Variants in GPC6 observed in about 807,000 individuals in gnomAD.
The protein encoded by GPC6 is glypican-6.
A neutral mutation model predicts 55.2 loss-of-function variants in GPC6; 14 were observed. That is an observed-to-expected ratio of 0.25 (90% CI 0.17 to 0.40). The LOEUF is 0.40. Among genes scored for constraint, GPC6 ranks in the 10% least tolerant of loss-of-function variants. The probability of loss-of-function intolerance (pLI) is 1.00; values close to 1 mark genes in which losing one functional copy is unlikely to be tolerated. For synonymous variants in GPC6, 278 were observed against 259.6 expected, an observed-to-expected ratio of 1.07 and a Z score of -0.68; for missense variants, 641 against 708.5, an observed-to-expected ratio of 0.90 and a Z score of 1.08.
At chr13:93,605,763 A>G (rs1407172194) in intron 2 of GPC6, among the ~76,000 whole-genome samples, 2 of 150,666 alleles carry the variant, frequency 1.3e-5, no homozygotes, top group Admixed American at 1.3e-4. Context: ...AATCACTTGA[A>G]CCCAGGAGGT....
At chr13:94,354,006 G>T (rs1878674095) in intron 6 of GPC6, among the ~76,000 whole-genome samples, 1 of 151,606 alleles carries the variant, frequency 6.6e-6, no homozygotes, top group African/African-American at 2.4e-5. Context: ...AAACACTGTG[G>T]TCATATAATA....
chr13:93,328,953 C>T (rs1879748960), intron 1 of GPC6, among the ~76,000 whole-genome samples: 1 of 152,102 alleles, frequency 6.6e-6, no homozygotes, highest in Non-Finnish European at 1.5e-5. Context: ...CAGTTTAGAA[C>T]TCAGGGCTGC....
chr13:93,261,587 A>G (rs1877150632), intron 1 of GPC6, among the ~76,000 whole-genome samples: 1 of 152,358 alleles, frequency 6.6e-6, no homozygotes, highest in South Asian at 2.1e-4. Context: ...TGCATGGAAT[A>G]AAAGAGAAAA....
At chr13:94,262,099 T>G (rs1891673392) in intron 4 of GPC6, among the ~76,000 whole-genome samples, 1 of 152,168 alleles carries the variant, frequency 6.6e-6, no homozygotes, top group South Asian at 2.1e-4. Flanking sequence ...TGGCCCCTAT[T>G]TTTTCTGTGA....
intron 2 of GPC6, among the ~76,000 whole-genome samples, chr13:93,601,765 T>C (rs1287161340): frequency 6.6e-6 from 1 of 152,244 alleles, no homozygotes; most frequent in Non-Finnish European, 1.5e-5. Context: ...TACACATATG[T>C]ATCTGGCTTC....
intron 1 of GPC6, among the ~76,000 whole-genome samples, chr13:93,357,263 T>G (rs1486509886): frequency 1.3e-5 from 2 of 152,218 alleles, no homozygotes; most frequent in Non-Finnish European, 2.9e-5. Flanking sequence ...TTTTAAAAGG[T>G]ATCTAAAATG....
At chr13:93,972,262 G>A (rs897201557) in intron 3 of GPC6, among the ~76,000 whole-genome samples, 5 of 152,130 alleles carry the variant, frequency 3.3e-5, no homozygotes, top group Non-Finnish European at 7.3e-5. Context: ...ATTGGCTCAG[G>A]GTAAAGCCTG....
At chr13:93,882,736 G>A (rs1277597885) in intron 3 of GPC6, among the ~76,000 whole-genome samples, 1 of 152,048 alleles carries the variant, frequency 6.6e-6, no homozygotes, top group Admixed American at 6.6e-5. Flanking sequence ...TAAAAAATAT[G>A]AAATAGAAAT....
chr13:93,985,231 G>A (rs1275918389), intron 3 of GPC6, among the ~76,000 whole-genome samples: 5 of 152,200 alleles, frequency 3.3e-5, no homozygotes, highest in South Asian at 4.1e-4. Context: ...TCAAGAGATC[G>A]AGACCATCCT....
At chr13:93,274,335 G>A (rs930459514) in intron 1 of GPC6, among the ~76,000 whole-genome samples, 2 of 152,106 alleles carry the variant, frequency 1.3e-5, no homozygotes, top group Non-Finnish European at 2.9e-5. Context: ...GAATGTGGTA[G>A]GTTCATTCGG....
intron 4 of GPC6, among the ~76,000 whole-genome samples, chr13:94,224,680 G>T (rs910008721): frequency 2.6e-5 from 4 of 151,998 alleles, no homozygotes; most frequent in Admixed American, 6.6e-5. Context: ...CTCTGTTGAA[G>T]GTTTTTGGAG....
At chr13:93,439,958 G>C (rs1191094665) in intron 1 of GPC6, among the ~76,000 whole-genome samples, 1 of 152,142 alleles carries the variant, frequency 6.6e-6, no homozygotes, top group African/African-American at 2.4e-5. Flanking sequence ...TATTGTAAAT[G>C]TTTAATAACT....
chr13:93,531,203 G>T (rs1418058096), intron 1 of GPC6, among the ~76,000 whole-genome samples: 1 of 151,542 alleles, frequency 6.6e-6, no homozygotes, highest in African/African-American at 2.4e-5. Flanking sequence ...ATCAGCCAAG[G>T]TTCTCCAGAA....
intron 2 of GPC6, among the ~76,000 whole-genome samples, chr13:93,667,558 G>A (rs1364248326): frequency 1.3e-5 from 2 of 151,552 alleles, no homozygotes; most frequent in African/African-American, 4.9e-5. Flanking sequence ...TTAGCCTCTC[G>A]AGTAGCTGGG....
At chr13:93,403,135 G>A (rs1177539448) in intron 1 of GPC6, among the ~76,000 whole-genome samples, 1 of 152,080 alleles carries the variant, frequency 6.6e-6, no homozygotes, top group Non-Finnish European at 1.5e-5. Flanking sequence ...GATATACATA[G>A]AATATTTCAA....
chr13:94,165,289 T>C (rs1441690808), intron 4 of GPC6, among the ~76,000 whole-genome samples: 3 of 148,986 alleles, frequency 2.0e-5, no homozygotes, highest in African/African-American at 4.9e-5. Flanking sequence ...TATATATATA[T>C]ATACATAATG....
At chr13:93,851,504 G>C (rs1212127044) in intron 3 of GPC6, among the ~76,000 whole-genome samples, 1 of 151,808 alleles carries the variant, frequency 6.6e-6, no homozygotes, top group African/African-American at 2.4e-5. Flanking sequence ...AAGTCAGCTA[G>C]GAGTGTTCAG....
Position 93,257,022 on chromosome 13 carries a change from G to A in GPC6, c.160+29406G>A, listed in dbSNP as rs146258651. 9.2e-3 allele frequency among the ~76,000 whole-genome samples: 1,395 copies of A among 152,170 alleles called. 18 individuals carry two copies. Among genetic ancestry groups the A allele is most frequent in the African/African-American group, 0.03 (1,251 of 41,504 alleles). On this transcript the variant is annotated intron_variant, in intron 1 of 8. Transcript: ENST00000377047. ...TTGTGAAAAAAAAAGCATTGTTAAT[G>A]GGCTGGGCATGGTGGCTTAGGCCTC...
At chr13:94,345,709 C>A (rs913412157) in intron 6 of GPC6, among the ~76,000 whole-genome samples, 4 of 152,190 alleles carry the variant, frequency 2.6e-5, no homozygotes, top group African/African-American at 4.8e-5. Context: ...CCTGTCAGGG[C>A]TGGCTCCTGG....
Sources: allele counts gnomAD v4.1 joint callset (sites outside exome capture counted in the v4.1 genomes callset), GRCh38; gene constraint gnomAD v4.1.1; transcripts MANE v1.5; gene names NCBI Gene and HGNC (gene_info 2026-07-23, HGNC 2026-07-21).